The following COMMD1 variants were observed in gnomAD, a reference collection of about 807,000 sequenced individuals.
The protein encoded by COMMD1 is copper metabolism domain containing 1.
A neutral mutation model predicts 17.2 loss-of-function variants in COMMD1; 10 were observed. That is an observed-to-expected ratio of 0.58 (90% CI 0.36 to 0.99). COMMD1 has a LOEUF of 0.99. Among genes scored for constraint, COMMD1 ranks in the 50% least tolerant of loss-of-function variants. The pLI is 0.01. For synonymous variants in COMMD1, 97 were observed against 91.6 expected, an observed-to-expected ratio of 1.06 and a Z score of -0.34; for missense variants, 270 against 231.8, an observed-to-expected ratio of 1.17 and a Z score of -1.07.
At chr2:61,920,110 A>T (rs1283188316) in intron 1 of COMMD1, among the ~76,000 whole-genome samples, 1 of 152,210 alleles carries the variant, frequency 6.6e-6, no homozygotes, top group East Asian at 1.9e-4. Flanking sequence ...CAGCTAGTGC[A>T]GTATTTTTCT....
At chr2:61,898,775 A>G (rs143970580) in intron 1 of COMMD1, among the ~76,000 whole-genome samples, 2 of 152,274 alleles carry the variant, frequency 1.3e-5, no homozygotes, top group East Asian at 3.9e-4. Context: ...GGGCTTAGTT[A>G]GGTATTTATA....
chr2:61,957,535 G>A (rs1558536577), intron 1 of COMMD1, among the ~76,000 whole-genome samples: 1 of 151,926 alleles, frequency 6.6e-6, no homozygotes, highest in African/African-American at 2.4e-5. Context: ...TGGTTAAGTT[G>A]GAATCTGCAG....
chr2:62,056,740 A>G (rs1670713512), intron 2 of COMMD1, among the ~76,000 whole-genome samples: 2 of 152,168 alleles, frequency 1.3e-5, no homozygotes, highest in African/African-American at 4.8e-5. Context: ...TCCAACCACA[A>G]AAGACCCATG....
At chr2:61,965,307 T>A (rs185977456) in intron 1 of COMMD1, among the ~76,000 whole-genome samples, 1 of 152,368 alleles carries the variant, frequency 6.6e-6, no homozygotes, top group African/African-American at 2.4e-5. Flanking sequence ...AAATATTTTT[T>A]AATTTTGTAA....
At chr2:61,918,893 T>TG (rs1670114228) in intron 1 of COMMD1, among the ~76,000 whole-genome samples, 1 of 152,232 alleles carries the variant, frequency 6.6e-6, no homozygotes, top group Non-Finnish European at 1.5e-5. Context: ...TTTATAAATT[T>TG]GGACTTCTGT....
intron 1 of COMMD1, among the ~76,000 whole-genome samples, chr2:61,939,204 A>C (rs1011510885): frequency 6.6e-6 from 1 of 151,910 alleles, no homozygotes; most frequent in East Asian, 1.9e-4. Flanking sequence ...CTGTAATCCC[A>C]GCGCTTTGGG....
At chr2:62,096,540 A>C (rs1158366098) in intron 2 of COMMD1, among the ~76,000 whole-genome samples, 1 of 152,084 alleles carries the variant, frequency 6.6e-6, no homozygotes, top group Non-Finnish European at 1.5e-5. Context: ...CCCTCTTCCC[A>C]GTGGATTGGG....
chr2:62,134,522 G>C (rs1161273879), intron 2 of COMMD1, among the ~76,000 whole-genome samples: 1 of 151,128 alleles, frequency 6.6e-6, no homozygotes, highest in Non-Finnish European at 1.5e-5. Context: ...TTTGTCTAGT[G>C]TGCATGAAAT....
chr2:62,105,856 G>T (rs1672313614), intron 2 of COMMD1, among the ~76,000 whole-genome samples: 1 of 152,156 alleles, frequency 6.6e-6, no homozygotes, highest in Non-Finnish European at 1.5e-5. Flanking sequence ...GATCTCTCAA[G>T]AACTCATTTA....
At chr2:62,039,258 C>T (rs946164034) in intron 2 of COMMD1, among the ~76,000 whole-genome samples, 2 of 152,172 alleles carry the variant, frequency 1.3e-5, no homozygotes, top group African/African-American at 4.8e-5. Flanking sequence ...TTAAGGAAAC[C>T]ATTCCTAGCT....
chr2:62,096,970 G>A (rs1006139442), intron 2 of COMMD1, among the ~76,000 whole-genome samples: 9 of 152,164 alleles, frequency 5.9e-5, no homozygotes, highest in African/African-American at 1.9e-4. Context: ...AGTAGCCCTG[G>A]GGTAAGACTG....
At chr2:61,963,876 TTC>T (rs1671435242) in intron 1 of COMMD1, among the ~76,000 whole-genome samples, 1 of 152,196 alleles carries the variant, frequency 6.6e-6, no homozygotes, top group Non-Finnish European at 1.5e-5. Flanking sequence ...ATAAGTCTCT[TTC>T]TCTCAGTTGT....
chr2:61,896,567 C>T (rs1669552803), intron 1 of COMMD1, among the ~76,000 whole-genome samples: 1 of 151,960 alleles, frequency 6.6e-6, no homozygotes, highest in Non-Finnish European at 1.5e-5. Context: ...AGAGTGAGAC[C>T]CTATCTCAGA....
At chr2:61,945,849 G>A (rs1481330997) in intron 1 of COMMD1, among the ~76,000 whole-genome samples, 1 of 152,206 alleles carries the variant, frequency 6.6e-6, no homozygotes, top group Non-Finnish European at 1.5e-5. Context: ...AGGAATGTCT[G>A]GGTTAAGACA....
intron 2 of COMMD1, among the ~76,000 whole-genome samples, chr2:62,088,379 A>G (rs1490990370): frequency 6.6e-6 from 1 of 152,202 alleles, no homozygotes; most frequent in Non-Finnish European, 1.5e-5. Flanking sequence ...GTAAGCACTG[A>G]TGAATAAATG....
chr2:62,002,506 A>G (rs1218005223), intron 2 of COMMD1, among the ~76,000 whole-genome samples: 2 of 141,748 alleles, frequency 1.4e-5, no homozygotes, highest in African/African-American at 5.8e-5. Context: ...AAAAAAAAAA[A>G]AAAAAAAAAA....
chr2:62,114,818 C>T (rs1355935090), intron 2 of COMMD1, among the ~76,000 whole-genome samples: 1 of 152,202 alleles, frequency 6.6e-6, no homozygotes, highest in Admixed American at 6.5e-5. Flanking sequence ...TACAAGGCAG[C>T]AGCAGGATAT....
chr2:62,069,389 G>A (rs1671138594), intron 2 of COMMD1: 4 of 152,202 alleles, frequency 2.6e-5, no homozygotes, highest in Admixed American at 2.6e-4. Context: ...AAGATTTTCA[G>A]TGAGACAGGC....
chr2:61,932,104 C>A (rs1670480559), intron 1 of COMMD1, among the ~76,000 whole-genome samples: 1 of 152,238 alleles, frequency 6.6e-6, no homozygotes, highest in Non-Finnish European at 1.5e-5. Context: ...AATTGACACC[C>A]CTACATTGGC....
Sources: gnomAD v4.1 joint callset for allele counts (sites outside exome capture counted in the v4.1 genomes callset) on GRCh38, gnomAD v4.1.1 for gene constraint, MANE v1.5 for transcripts, NCBI Gene and HGNC (gene_info 2026-07-23, HGNC 2026-07-21) for gene names.